The following INO80D variants were observed in gnomAD, a reference collection of about 807,000 sequenced individuals.
INO80D encodes the protein INO80 complex subunit D.
Under a neutral mutation model 87.6 loss-of-function variants are expected in INO80D, and 21 were observed. The observed-to-expected ratio is 0.24, with a 90% CI of 0.17 to 0.35. The LOEUF (loss-of-function observed/expected upper bound fraction) is 0.35, where lower values mean the gene tolerates loss of function less well. INO80D is among the 10% of genes least tolerant of loss of function. INO80D has a pLI of 1.00. For synonymous variants in INO80D, 440 were observed against 491.0 expected (o/e 0.90, Z 1.37); for missense variants, 982 against 1,280.7 (o/e 0.77, Z 3.56).
chr2:206,038,073 C>T (rs1442901471), intron 5 of INO80D, among the ~76,000 whole-genome samples: 1 of 152,084 alleles, frequency 6.6e-6, no homozygotes, highest in Non-Finnish European at 1.5e-5. Flanking sequence ...ACGATGAAGA[C>T]TCAGAAGGGT....
Position 205,994,493 on chromosome 2 carries a change from T to G in INO80D, c.*9875A>C, listed in dbSNP as rs892189058. 6.6e-6 allele frequency: 1 copy of G among 152,224 alleles called. No individual in the cohort carries two copies. Among genetic ancestry groups the G allele is most frequent in the African/African-American group, 2.4e-5 (1 of 41,468 alleles). The allele number at this position is 152,224 out of a possible 1,614,324, so 9.4% of individuals were successfully genotyped here. ...TTCCCACTGCAACTTGGTTTCAACT[T>G]ACACTTCAGTACTCTAGTTGTTAGT... On this transcript the variant is annotated 3_prime_UTR_variant, in exon 11 of 11. Transcript: ENST00000403263.
At chr2:206,007,474 C>T (rs760491263) in intron 9 of INO80D, 33 bp from the exon 10 acceptor site, 2 of 1,572,938 alleles carry the variant, frequency 1.3e-6, no homozygotes, top group East Asian at 2.3e-5. Flanking sequence ...TCCCATAACT[C>T]CCCCATTATC....
chr2:206,021,224 G>A (rs1053816742), intron 6 of INO80D, among the ~76,000 whole-genome samples: 21 of 152,076 alleles, frequency 1.4e-4, no homozygotes, highest in African/African-American at 4.6e-4. Context: ...GGGTTTCAAT[G>A]GAATTATTGA....
At chr2:206,047,665 A>C (rs77224583) in intron 4 of INO80D, among the ~76,000 whole-genome samples, 12,108 of 152,132 alleles carry the variant, frequency 0.08, 711 homozygotes, top group Admixed American at 0.19. Context: ...AAAACAACAA[A>C]AAAAAAAAAT....
intron 1 of INO80D, among the ~76,000 whole-genome samples, chr2:206,066,753 C>A (rs921255172): frequency 1.4e-5 from 2 of 147,388 alleles, no homozygotes; most frequent in Non-Finnish European, 3.0e-5. Flanking sequence ...TGCAGTGAGC[C>A]GAGATCGCAC....
chr2:206,075,854 G>A (rs1460831689), intron 1 of INO80D, among the ~76,000 whole-genome samples: 1 of 150,958 alleles, frequency 6.6e-6, no homozygotes, highest in Non-Finnish European at 1.5e-5. Context: ...AGGAGTTCGA[G>A]ACCAGCCCGG....
At position 206,003,718 on chromosome 2, in the gene INO80D, G is replaced by A. The variant is rs890026203; in HGVS notation, c.*650C>T. On this transcript the variant is annotated 3_prime_UTR_variant, in exon 11 of 11. Transcript: ENST00000403263. ...AAGAGTTTTATACTCATTAAGTAGG[G>A]GGAAGGGGAGAACAAAAAAAAATCA... 2 of 154,436 alleles carry A rather than the reference G, an allele frequency of 1.3e-5. No homozygotes were observed. The highest frequency in any genetic ancestry group is 4.8e-5 in the African/African-American group (2 of 41,458). The allele number at this position is 154,436 out of a possible 1,614,324, so 9.6% of individuals were successfully genotyped here.
intron 1 of INO80D, among the ~76,000 whole-genome samples, chr2:206,072,285 G>C (rs1163109206): frequency 6.7e-6 from 1 of 150,146 alleles, no homozygotes; most frequent in African/African-American, 2.4e-5. Flanking sequence ...GTTTTGTTTG[G>C]TTTTTTTTTG....
intron 8 of INO80D, 39 bp downstream of exon 8, chr2:206,017,641 A>T: frequency 6.7e-7 from 1 of 1,489,984 alleles, no homozygotes; most frequent in Non-Finnish European, 9.0e-7. Flanking sequence ...TACAGTGGAT[A>T]GCTACAAAAA....
At chr2:206,044,658 A>G (rs1254511077) in intron 5 of INO80D, among the ~76,000 whole-genome samples, 2 of 152,210 alleles carry the variant, frequency 1.3e-5, no homozygotes, top group Non-Finnish European at 2.9e-5. Context: ...AAGTATTTTG[A>G]TAACTCTGCA....
intron 8 of INO80D, among the ~76,000 whole-genome samples, chr2:206,011,818 A>G (rs777515291): frequency 7.9e-5 from 12 of 152,366 alleles, no homozygotes; most frequent in Non-Finnish European, 1.5e-4. Flanking sequence ...TGAGGTTTAC[A>G]TTCTAGTAGG....
At chr2:206,084,114 T>C (rs1314088692) in intron 1 of INO80D, among the ~76,000 whole-genome samples, 1 of 150,614 alleles carries the variant, frequency 6.6e-6, no homozygotes, top group Non-Finnish European at 1.5e-5. Context: ...GGCACCAAAA[T>C]ATAGCTAAAA....
chr2:206,047,417 C>T (rs1449444170), intron 4 of INO80D, among the ~76,000 whole-genome samples: 2 of 151,904 alleles, frequency 1.3e-5, no homozygotes, highest in Non-Finnish European at 2.9e-5. Flanking sequence ...TGGGGTTTCG[C>T]CATGTTGGCC....
chr2:206,042,837 T>C (rs976993057), intron 5 of INO80D, among the ~76,000 whole-genome samples: 12 of 151,806 alleles, frequency 7.9e-5, no homozygotes, highest in African/African-American at 2.9e-4. Context: ...TTTAAAATGG[T>C]GGCCTGCACC....
intron 8 of INO80D, 137 bp downstream of exon 8, chr2:206,017,543 T>A (rs529190528): frequency 1.7e-6 from 1 of 600,332 alleles, no homozygotes; most frequent in Admixed American, 3.6e-5. Flanking sequence ...TAATAAAATG[T>A]ATCTTAAGGG....
At chr2:206,065,123 T>C (rs1437062479) in intron 1 of INO80D, among the ~76,000 whole-genome samples, 1 of 152,124 alleles carries the variant, frequency 6.6e-6, no homozygotes, top group African/African-American at 2.4e-5. Context: ...TATAAAACTA[T>C]TAGAAGAAAA....
intron 4 of INO80D, among the ~76,000 whole-genome samples, chr2:206,047,856 A>T (rs193207736): frequency 7.2e-5 from 10 of 139,434 alleles, no homozygotes; most frequent in Non-Finnish European, 7.7e-5. Flanking sequence ...ATTTCTTTCA[A>T]TTTTTTTTTT....
intron 4 of INO80D, 25 bp from the exon 5 acceptor site, chr2:206,046,637 A>G: frequency 6.8e-7 from 1 of 1,460,884 alleles, no homozygotes; most frequent in East Asian, 2.3e-5. Context: ...AGATATTGCA[A>G]ATTAGAAAAA....
At chr2:206,077,881 C>T (rs1690161386) in intron 1 of INO80D, among the ~76,000 whole-genome samples, 1 of 151,846 alleles carries the variant, frequency 6.6e-6, no homozygotes, top group African/African-American at 2.4e-5. Flanking sequence ...CCTTTCTGAC[C>T]AGTCAGTGAG....
Sources: gnomAD v4.1 joint callset for allele counts (sites outside exome capture counted in the v4.1 genomes callset) on GRCh38, gnomAD v4.1.1 for gene constraint, MANE v1.5 for transcripts, NCBI Gene and HGNC (gene_info 2026-07-23, HGNC 2026-07-21) for gene names.